SQOR: variants seen among roughly 807,000 people sequenced by gnomAD.
The protein encoded by SQOR is sulfide quinone oxidoreductase.
A neutral mutation model predicts 48.6 loss-of-function variants in SQOR; 39 were observed. The observed-to-expected ratio is 0.80, with a 90% CI of 0.62 to 1.05. The LOEUF is 1.05. Ranked by LOEUF, SQOR falls within the 50% of genes least tolerant of loss-of-function variation. SQOR has a pLI of 0.00. For synonymous variants in SQOR, 220 were observed against 206.2 expected (o/e 1.07, Z -0.57); for missense variants, 561 against 559.9 (o/e 1.00, Z -0.02).
chr15:45,690,917 T>C, intron 9 of SQOR, 56 bp from the exon 10 acceptor site: 1 of 1,496,278 alleles, frequency 6.7e-7, no homozygotes, highest in Non-Finnish European at 9.3e-7. Context: ...TCCTCCTGAC[T>C]GAAGTCGCCC....
intron 6 of SQOR, among the ~76,000 whole-genome samples, chr15:45,681,516 A>G (rs1414750117): frequency 6.6e-6 from 1 of 152,154 alleles, no homozygotes. Context: ...CTCGGAGGGC[A>G]TGGGAACATT....
chr15:45,659,407 A>G (rs1224459000), intron 2 of SQOR, among the ~76,000 whole-genome samples: 1 of 152,222 alleles, frequency 6.6e-6, no homozygotes, highest in African/African-American at 2.4e-5. Context: ...TAGGGCTGCC[A>G]TAACAAATTA....
At chr15:45,658,330 C>T (rs73422332) in intron 1 of SQOR, among the ~76,000 whole-genome samples, 19,803 of 152,086 alleles carry the variant, frequency 0.13, 1,592 homozygotes, top group Admixed American at 0.2. Flanking sequence ...GCAAGCAGAG[C>T]CAGGAGGCCT....
At chr15:45,668,702 T>A (rs1889882689) in intron 3 of SQOR, among the ~76,000 whole-genome samples, 1 of 152,206 alleles carries the variant, frequency 6.6e-6, no homozygotes, top group Non-Finnish European at 1.5e-5. Flanking sequence ...TGCGATTCGC[T>A]CGGGTTGCTT....
rs750495836 is a variant in SQOR, at chr15:45,662,086, C to T, written c.366C>T (p.Asn122=). 2.5e-6 allele frequency: 4 copies of T among 1,614,178 alleles called. No individual in the cohort carries two copies. Among genetic ancestry groups the T allele is most frequent in the South Asian group, 1.1e-5 (1 of 91,086 alleles). The change falls in exon 3 of 10, where the codon AAC becomes AAT. Residue 122 remains asparagine, a synonymous_variant. Transcript: ENST00000260324. ...EWIKARVTEL[N]PDKNCIHTDD... is the part of the protein sequence containing the mutation. ...TCAAAGCTAGAGTGACTGAGTTGAA[C>T]CCAGACAAGAACTGCATTCACACAG... is the stretch of plus-strand genomic sequence containing the variant.
At chr15:45,665,852 G>C (rs929639874) in intron 3 of SQOR, among the ~76,000 whole-genome samples, 3 of 152,122 alleles carry the variant, frequency 2.0e-5, no homozygotes, top group Non-Finnish European at 4.4e-5. Flanking sequence ...CCAAAGTGTT[G>C]GGATTACAGG....
chr15:45,690,975 G>T lies in SQOR; in HGVS notation c.1298G>T (p.Gly433Val), dbSNP rs773758456. 1 of 1,614,086 alleles carries T rather than the reference G, an allele frequency of 6.2e-7. No homozygotes were observed. Among genetic ancestry groups the T allele is most frequent in the Non-Finnish European group, 8.5e-7 (1 of 1,179,972 alleles). ...PFLYWNMMLR[G>V]YWGGPAFLRK... ...TTTTTTTGTGTTATTTCTTACAGGG[G>T]TTACTGGGGAGGACCAGCGTTTCTG... is the stretch of plus-strand genomic sequence containing the variant. The change falls in exon 10 of 10, where the codon GGT becomes GTT. Residue 433 changes from glycine (G) to valine (V), a missense_variant and splice_region_variant. Transcript: ENST00000260324.
chr15:45,652,506 C>T (rs1889512263), intron 1 of SQOR, among the ~76,000 whole-genome samples: 1 of 151,988 alleles, frequency 6.6e-6, no homozygotes, highest in Non-Finnish European at 1.5e-5. Context: ...GCAGGTCCGG[C>T]TACTTTTTTC....
At chr15:45,686,941 C>G (rs946282611) in intron 7 of SQOR, among the ~76,000 whole-genome samples, 2 of 152,090 alleles carry the variant, frequency 1.3e-5, no homozygotes, top group East Asian at 3.9e-4. Flanking sequence ...TCCTGAGTAG[C>G]TGGAATTACA....
chr15:45,659,454 T>C (rs973299964), intron 2 of SQOR, among the ~76,000 whole-genome samples: 5 of 152,160 alleles, frequency 3.3e-5, no homozygotes, highest in African/African-American at 1.2e-4. Flanking sequence ...AGACATCTAT[T>C]CCCTCACAGT....
At chr15:45,633,693 CAAAAAAA>C (rs397854330), upstream of SQOR, among the ~76,000 whole-genome samples, 1 of 77,548 alleles carries the variant, frequency 1.3e-5, no homozygotes, top group Non-Finnish European at 2.7e-5. Context: ...GACTTCGCCT[CAAAAAAA>C]AAAAAAAAAA....
rs578240930 is a variant in SQOR at position 45,653,985 on chromosome 15, G to C, written c.-17-4922G>C. Among the ~76,000 whole-genome samples the C allele has an allele frequency of 3.3e-5, 5 of 152,160 alleles. No homozygotes were observed. The South Asian group carries it at 8.3e-4, about 25-fold the overall frequency. On this transcript the variant is annotated intron_variant, in intron 1 of 9. Coordinates refer to ENST00000260324, the MANE Select transcript of SQOR (RefSeq NM_021199.4). Reference sequence around the variant, plus strand: ...AAAAATACCAAAATTAGCCAGGCATGGTGGTTTGTGCCTGTAATCCCAGCT... The same window carrying C: ...AAAAATACCAAAATTAGCCAGGCATCGTGGTTTGTGCCTGTAATCCCAGCT...
chr15:45,664,902 A>T (rs563754986), intron 3 of SQOR, among the ~76,000 whole-genome samples: 1 of 152,198 alleles, frequency 6.6e-6, no homozygotes, highest in East Asian at 1.9e-4. Flanking sequence ...ATTTTTCTCA[A>T]TGTCTCCGGG....
chr15:45,652,638 CTTTTTTTT>C (rs757986564), intron 1 of SQOR, among the ~76,000 whole-genome samples: 2 of 60,302 alleles, frequency 3.3e-5, no homozygotes, highest in African/African-American at 1.5e-4. Flanking sequence ...CGTGAGCCTC[CTTTTTTTT>C]TTTTTTTTTT....
chr15:45,658,949 C>G lies in SQOR; in HGVS notation c.26C>G (p.Ser9Ter). 1 of 1,570,502 alleles carries G rather than the reference C, an allele frequency of 6.4e-7. No homozygotes were observed. The highest frequency in any genetic ancestry group is 8.7e-7 in the Non-Finnish European group (1 of 1,154,140). The change falls in exon 2 of 10, where the codon TCA (serine) becomes TGA (stop). Residue 9 changes from serine (S) to a stop codon, truncating the protein, a stop_gained. Transcript: ENST00000260324. LOFTEE classifies it high-confidence loss of function. ...ATGGTGCCACTGGTGGCTGTGGTAT[C>G]AGGGCCCCGTGCCCAGCTCTTTGCC... MVPLVAVV[S>*]GPRAQLFACL...
chr15:45,681,093 G>C (rs1890120138), intron 6 of SQOR, among the ~76,000 whole-genome samples: 3 of 152,134 alleles, frequency 2.0e-5, no homozygotes, highest in African/African-American at 7.2e-5. Context: ...GGTGGTGCGT[G>C]CCTCCTGGCT....
chr15:45,689,672 G>C (rs1471009324), intron 9 of SQOR, among the ~76,000 whole-genome samples: 1 of 151,856 alleles, frequency 6.6e-6, no homozygotes, highest in Non-Finnish European at 1.5e-5. Context: ...CGCCCGCCTC[G>C]GCCTCCCAAT....
chr15:45,659,769 T>C (rs1387035386), intron 2 of SQOR, among the ~76,000 whole-genome samples: 1 of 152,222 alleles, frequency 6.6e-6, no homozygotes, highest in South Asian at 2.1e-4. Flanking sequence ...TTTGATTACA[T>C]TTGCAAAGAC....
At chr15:45,680,270 T>A (rs575398434) in intron 6 of SQOR, among the ~76,000 whole-genome samples, 1 of 152,128 alleles carries the variant, frequency 6.6e-6, no homozygotes, top group African/African-American at 2.4e-5. Flanking sequence ...AATTTTTGTA[T>A]TTTTTTAAAG....
Sources: allele counts gnomAD v4.1 joint callset (sites outside exome capture counted in the v4.1 genomes callset), GRCh38; gene constraint gnomAD v4.1.1; transcripts MANE v1.5; gene names NCBI Gene and HGNC (gene_info 2026-07-23, HGNC 2026-07-21).